PGM1: variants seen among roughly 807,000 people sequenced by gnomAD.
PGM1 encodes phosphoglucomutase 1, also known as phosphoglucomutase-1.
In PGM1, 52 loss-of-function variants were observed where a neutral mutation model predicts 55.6. That is an observed-to-expected ratio of 0.94 (90% CI 0.75 to 1.18). PGM1 has a LOEUF of 1.18. Among genes scored for constraint, PGM1 ranks in the 50% most tolerant of loss-of-function variants. The pLI, the probability that PGM1 is intolerant of heterozygous loss-of-function variation, is 0.00. For missense variants in PGM1, 724 were observed against 729.3 expected (o/e 0.99, Z 0.08); for synonymous variants, 287 against 271.7 (o/e 1.06, Z -0.55).
At chr1:63,623,201 A>G in intron 1 of PGM1, 1 of 1,310,076 alleles carries the variant, frequency 7.6e-7, no homozygotes, top group Non-Finnish European at 9.7e-7. Context: ...TTAAGTGGGC[A>G]GAAGTGTCCT....
At chr1:63,654,230 A>G in intron 9 of PGM1, 102 bp from the exon 10 acceptor site, 1 of 1,179,836 alleles carries the variant, frequency 8.5e-7, no homozygotes, top group Non-Finnish European at 1.3e-6. Flanking sequence ...CCTCCAATGA[A>G]CAAGTATGGA....
intron 1 of PGM1, among the ~76,000 whole-genome samples, chr1:63,627,157 C>T (rs1349888425): frequency 1.3e-5 from 2 of 148,538 alleles, no homozygotes; most frequent in East Asian, 2.1e-4. Flanking sequence ...TAGACGTTAG[C>T]GTTCTTTCCA....
At chr1:63,650,161 A>G (rs1389573127) in intron 8 of PGM1, among the ~76,000 whole-genome samples, 1 of 152,236 alleles carries the variant, frequency 6.6e-6, no homozygotes, top group Non-Finnish European at 1.5e-5. Context: ...TTAAAACTCC[A>G]TTATACCTTC....
chr1:63,641,870 A>G (rs1423472973), intron 7 of PGM1, among the ~76,000 whole-genome samples: 2 of 152,224 alleles, frequency 1.3e-5, no homozygotes, highest in African/African-American at 4.8e-5. Flanking sequence ...GAATGAGTTC[A>G]TGAACACTAT....
At chr1:63,628,340 A>G (rs993347180) in intron 1 of PGM1, among the ~76,000 whole-genome samples, 1 of 152,180 alleles carries the variant, frequency 6.6e-6, no homozygotes. Flanking sequence ...ATGAGAGCCA[A>G]GAGGTAACTG....
chr1:63,616,163 G>A (rs1648708548), intron 1 of PGM1, among the ~76,000 whole-genome samples: 1 of 151,932 alleles, frequency 6.6e-6, no homozygotes, highest in Non-Finnish European at 1.5e-5. Flanking sequence ...TATTCTTAAG[G>A]GATTGAAATT....
intron 1 of PGM1, among the ~76,000 whole-genome samples, chr1:63,606,409 C>A (rs1186754222): frequency 6.6e-6 from 1 of 152,164 alleles, no homozygotes; most frequent in African/African-American, 2.4e-5. Context: ...CAGTCCAGGG[C>A]TGATGTGTGG....
chr1:63,629,694 G>T, intron 2 of PGM1, 107 bp downstream of exon 2: 3 of 1,140,650 alleles, frequency 2.6e-6, no homozygotes, highest in Non-Finnish European at 3.9e-6. Flanking sequence ...TTTGCAGGGG[G>T]TAGGGAGGTG....
At chr1:63,602,944 A>T (rs1648286134) in intron 1 of PGM1, among the ~76,000 whole-genome samples, 1 of 152,134 alleles carries the variant, frequency 6.6e-6, no homozygotes. Flanking sequence ...GGAAAGCATA[A>T]AGGAGGCGTG....
At chr1:63,620,318 A>T (rs1447701489) in intron 1 of PGM1, among the ~76,000 whole-genome samples, 2 of 152,102 alleles carry the variant, frequency 1.3e-5, no homozygotes, top group Non-Finnish European at 2.9e-5. Flanking sequence ...ACTCTTGGGG[A>T]CAAACACTTC....
rs572751157 is a variant in PGM1 at position 63,625,428 on chromosome 1, T to G, written c.247-3997T>G. Among the ~76,000 whole-genome samples, 21 of 152,346 alleles carry G rather than the reference T, an allele frequency of 1.4e-4. No individual in the cohort carries two copies. The South Asian group carries it at 3.9e-3, about 29-fold the overall frequency. ...AGTCATGCTAACCAACTGAATTGCTTAAAATATTAGTGGACTGGATAAAGC... is the reference window on the plus strand; with the variant it reads ...AGTCATGCTAACCAACTGAATTGCTGAAAATATTAGTGGACTGGATAAAGC... On this transcript the variant is annotated intron_variant, in intron 1 of 10. Coordinates refer to ENST00000371084, the MANE Select transcript of PGM1 (RefSeq NM_002633.3).
chr1:63,659,891 A>C lies in PGM1; in HGVS notation c.*216A>C. ...GGACCTGCGGGCTTAGATCAATCTC[A>C]ATTCCTTTTCATGCCCTCCTGCATT... On this transcript the variant is annotated 3_prime_UTR_variant, in exon 11 of 11. Transcript: ENST00000371084. 9.6e-6 allele frequency: 6 copies of C among 623,152 alleles called. No individual in the cohort carries two copies. The highest frequency in any genetic ancestry group is 2.8e-5 in the East Asian group (1 of 35,996). The allele number at this position is 623,152 out of a possible 1,614,324, so 38.6% of individuals were successfully genotyped here.
At chr1:63,645,121 A>T (rs1053071036) in intron 7 of PGM1, among the ~76,000 whole-genome samples, 10 of 152,248 alleles carry the variant, frequency 6.6e-5, no homozygotes, top group African/African-American at 2.4e-4. Context: ...GTGATTAGTG[A>T]TGAACCAGAA....
intron 10 of PGM1, among the ~76,000 whole-genome samples, chr1:63,658,909 G>C (rs985400137): frequency 2.6e-5 from 4 of 152,184 alleles, no homozygotes; most frequent in Non-Finnish European, 5.9e-5. Context: ...GCAAGAAAGA[G>C]CAAGTCATGT....
chr1:63,631,990 G>T (rs1002269759), intron 4 of PGM1, among the ~76,000 whole-genome samples: 4 of 152,172 alleles, frequency 2.6e-5, no homozygotes, highest in Non-Finnish European at 5.9e-5. Context: ...TGGTAAGCTC[G>T]TGTGAAGGTC....
chr1:63,646,361 T>C (rs1048304465), intron 7 of PGM1, among the ~76,000 whole-genome samples: 2 of 152,196 alleles, frequency 1.3e-5, no homozygotes, highest in Admixed American at 6.5e-5. Context: ...ATGAGAGTTG[T>C]GTTCCATATC....
intron 1 of PGM1, among the ~76,000 whole-genome samples, chr1:63,599,355 G>A (rs148968122): frequency 0.011 from 1,608 of 152,098 alleles, 32 homozygotes; most frequent in African/African-American, 0.037. Context: ...TAGTAGAAAC[G>A]AGGTTTCACC....
chr1:63,601,245 G>A (rs1648234798), intron 1 of PGM1, among the ~76,000 whole-genome samples: 2 of 152,172 alleles, frequency 1.3e-5, no homozygotes, highest in South Asian at 4.1e-4. Context: ...ATTTAGTTAT[G>A]GTAATGAGTC....
chr1:63,604,168 A>C (rs141234488), intron 1 of PGM1, among the ~76,000 whole-genome samples: 75 of 152,276 alleles, frequency 4.9e-4, no homozygotes, highest in Non-Finnish European at 8.5e-4. Flanking sequence ...GTGCCTTCCA[A>C]AGTGAATTTG....
Sources: allele counts gnomAD v4.1 joint callset (sites outside exome capture counted in the v4.1 genomes callset), GRCh38; gene constraint gnomAD v4.1.1; transcripts MANE v1.5; gene names NCBI Gene and HGNC (gene_info 2026-07-23, HGNC 2026-07-21).